Variants in SIL1 observed in about 807,000 individuals in gnomAD.
SIL1 encodes the protein SIL1 nucleotide exchange factor.
Under a neutral mutation model 49.1 loss-of-function variants are expected in SIL1, and 40 were observed. The observed-to-expected ratio is 0.81, with a 90% CI of 0.63 to 1.06. The LOEUF (loss-of-function observed/expected upper bound fraction) is 1.06. Ranked by LOEUF, SIL1 falls within the 50% of genes least tolerant of loss-of-function variation. The pLI is 0.00. For missense variants in SIL1, 500 were observed against 572.6 expected (o/e 0.87, Z 1.29); for synonymous variants, 253 against 250.8 (o/e 1.01, Z -0.08).
intron 1 of SIL1, among the ~76,000 whole-genome samples, chr5:139,165,008 C>A (rs1010755405): frequency 1.1e-4 from 17 of 152,208 alleles, no homozygotes; most frequent in African/African-American, 3.6e-4. Context: ...TGGGAAAAAT[C>A]CACATATTCT....
intron 3 of SIL1, 47 bp from the exon 4 acceptor site, chr5:139,051,093 AAGGC>A (rs1324606328): frequency 1.3e-6 from 2 of 1,585,092 alleles, no homozygotes; most frequent in Non-Finnish European, 1.7e-6. Flanking sequence ...AGGTCTTTGG[AAGGC>A]TGTCGGGATG....
chr5:139,129,737 G>T (rs1383155569), intron 1 of SIL1, among the ~76,000 whole-genome samples: 1 of 152,144 alleles, frequency 6.6e-6, no homozygotes, highest in East Asian at 1.9e-4. Context: ...AACTAGAAAT[G>T]AATCAAAGAC....
intron 7 of SIL1, among the ~76,000 whole-genome samples, chr5:138,989,883 C>G (rs146041595): frequency 9.2e-5 from 14 of 152,306 alleles, no homozygotes; most frequent in African/African-American, 3.1e-4. Context: ...GTTTCTGACT[C>G]ATCTTCTCAT....
intron 7 of SIL1, 64 bp from the exon 8 acceptor site, chr5:138,951,948 A>T: frequency 7.0e-7 from 1 of 1,418,724 alleles, no homozygotes; most frequent in Non-Finnish European, 9.9e-7. Flanking sequence ...TGGTCAGGGA[A>T]CTGAGCCCAT....
intron 1 of SIL1, among the ~76,000 whole-genome samples, chr5:139,185,502 A>C (rs1442211013): frequency 6.6e-6 from 1 of 152,250 alleles, no homozygotes; most frequent in African/African-American, 2.4e-5. Context: ...GAGCCATAGT[A>C]AAATTGGTTT....
intron 3 of SIL1, among the ~76,000 whole-genome samples, chr5:139,096,356 T>C (rs192595830): frequency 1.3e-5 from 2 of 152,132 alleles, no homozygotes; most frequent in African/African-American, 4.8e-5. Flanking sequence ...TGAAAGCCTG[T>C]CTAGACCGCA....
chr5:138,995,546 TTTTC>T (rs1767847300), intron 7 of SIL1, among the ~76,000 whole-genome samples: 1 of 152,226 alleles, frequency 6.6e-6, no homozygotes. Flanking sequence ...CCACCTTGTC[TTTTC>T]TTTATGCTAG....
At chr5:138,968,187 C>T (rs1055913560) in intron 7 of SIL1, among the ~76,000 whole-genome samples, 5 of 151,974 alleles carry the variant, frequency 3.3e-5, no homozygotes, top group Non-Finnish European at 5.9e-5. Context: ...GTTGCAGGTA[C>T]CTTGGGGGGA....
chr5:139,191,325 A>G (rs925132744), intron 1 of SIL1, among the ~76,000 whole-genome samples: 1 of 152,024 alleles, frequency 6.6e-6, no homozygotes, highest in Non-Finnish European at 1.5e-5. Context: ...CAGCACTCAA[A>G]GCATGGCCAA....
intron 3 of SIL1, among the ~76,000 whole-genome samples, chr5:139,060,910 CAGA>C (rs1769572663): frequency 6.6e-6 from 1 of 151,958 alleles, no homozygotes; most frequent in Non-Finnish European, 1.5e-5. Flanking sequence ...GGAACCCTGG[CAGA>C]AGGACAGGTA....
chr5:138,958,122 T>C (rs968626188), intron 7 of SIL1, among the ~76,000 whole-genome samples: 1 of 152,206 alleles, frequency 6.6e-6, no homozygotes, highest in African/African-American at 2.4e-5. Context: ...GCCCATACGA[T>C]GTACACAGCA....
At chr5:139,061,748 A>G (rs1022588847) in intron 3 of SIL1, among the ~76,000 whole-genome samples, 2 of 152,232 alleles carry the variant, frequency 1.3e-5, no homozygotes, top group East Asian at 1.9e-4. Context: ...TGAAGCAAAG[A>G]CAGCTTATTT....
intron 7 of SIL1, among the ~76,000 whole-genome samples, chr5:138,965,762 G>A (rs988541456): frequency 7.0e-6 from 1 of 143,542 alleles, no homozygotes; most frequent in Non-Finnish European, 1.5e-5. Flanking sequence ...GAGCCACACA[G>A]ATTTGACTTT....
chr5:139,052,650 C>CTCCA (rs1055153576), intron 3 of SIL1, among the ~76,000 whole-genome samples: 5 of 152,068 alleles, frequency 3.3e-5, no homozygotes, highest in African/African-American at 1.2e-4. Flanking sequence ...CGCCACTGCA[C>CTCCA]TCCAGCCTGG....
chr5:139,152,528 G>A (rs1751324820), intron 1 of SIL1, among the ~76,000 whole-genome samples: 1 of 151,664 alleles, frequency 6.6e-6, no homozygotes, highest in African/African-American at 2.4e-5. Context: ...GGCTGAGGCA[G>A]GAGAATCCCT....
intron 7 of SIL1, among the ~76,000 whole-genome samples, chr5:138,970,148 G>A (rs1039042852): frequency 3.9e-5 from 6 of 152,260 alleles, no homozygotes; most frequent in African/African-American, 1.4e-4. Flanking sequence ...CAGAAGCAGA[G>A]GCAGAGAGGA....
intron 7 of SIL1, among the ~76,000 whole-genome samples, chr5:139,008,762 T>C (rs1220391117): frequency 2.0e-5 from 3 of 151,948 alleles, no homozygotes; most frequent in South Asian, 4.2e-4. Flanking sequence ...TTCCATGTAG[T>C]TGAGCGGCTT....
In SIL1 at chr5:139,135,871, C is replaced by A. The variant is rs1345958322; in HGVS notation, c.-10-8018G>T. ...CTTGAGGTCAGGAGCTCGAGACCAG[C>A]CTGGCCAACATGGCAAAACCCCATC... On this transcript the variant is annotated intron_variant, in intron 1 of 9. Coordinates refer to ENST00000394817, the MANE Select transcript of SIL1 (RefSeq NM_022464.5). Among the ~76,000 whole-genome samples the A allele has an allele frequency of 3.3e-5, 5 of 152,180 alleles. No homozygotes were observed. The South Asian group carries it at 8.3e-4, about 25-fold the overall frequency.
chr5:138,976,310 CTTTTTTT>C (rs542941622), intron 7 of SIL1, among the ~76,000 whole-genome samples: 7 of 134,424 alleles, frequency 5.2e-5, no homozygotes, highest in Non-Finnish European at 6.3e-5. Context: ...TATTACCTCT[CTTTTTTT>C]TTTTTTTTTT....
Sources: gnomAD v4.1 joint callset for allele counts (sites outside exome capture counted in the v4.1 genomes callset) on GRCh38, gnomAD v4.1.1 for gene constraint, MANE v1.5 for transcripts, NCBI Gene and HGNC (gene_info 2026-07-23, HGNC 2026-07-21) for gene names.